The following KCNAB1 variants were observed in gnomAD, a reference collection of about 807,000 sequenced individuals.
The protein encoded by KCNAB1 is potassium voltage-gated channel subfamily A regulatory beta subunit 1.
KCNAB1 carries 35 observed loss-of-function variants against 64.6 expected under a neutral mutation model. The ratio of observed to expected loss-of-function variants is 0.54; its 90% CI spans 0.41 to 0.72. The LOEUF (loss-of-function observed/expected upper bound fraction) is 0.72. Ranked by LOEUF, KCNAB1 falls within the 30% of genes least tolerant of loss-of-function variation. KCNAB1 has a pLI of 0.00. For missense variants in KCNAB1, 401 were observed against 512.9 expected, an observed-to-expected ratio of 0.78 and a Z score of 2.11; for synonymous variants, 177 against 183.8, an observed-to-expected ratio of 0.96 and a Z score of 0.30.
chr3:156,516,283 G>T lies in KCNAB1; in HGVS notation c.879G>T (p.Met293Ile). Residue 293 changes from methionine to isoleucine, a missense_variant, in exon 11 of 14, where the codon ATG (methionine) becomes ATT (isoleucine). By Grantham distance (10) the Met-to-Ile change is conservative. Transcript: ENST00000490337. ...ELYHKIGVGA[M>I]TWSPLACGII... ...TTTCTTCTGTAGGTGTTGGCGCAAT[G>T]ACATGGTCTCCACTTGCCTGTGGAA... 6.2e-7 allele frequency: 1 copy of T among 1,613,830 alleles called. No homozygotes were observed. Among genetic ancestry groups the T allele is most frequent in the Non-Finnish European group, 8.5e-7 (1 of 1,179,708 alleles).
Position 156,516,449 on chromosome 3 carries a change from G to A in KCNAB1, c.960+85G>A. 6.3e-6 allele frequency: 6 copies of A among 959,472 alleles called. 1 individual carries two copies. The Middle Eastern group carries it at 8.8e-4, about 140-fold the overall frequency. 59.4% of individuals were successfully genotyped at this position (959,472 alleles called of 1,614,324 possible). On this transcript the variant is annotated intron_variant, in intron 11 of 13. Transcript: ENST00000490337. ...AAGAACAGCTCTGCAGCAGCCTAGG[G>A]CTTCCCAGCTCAGGCTGACTGTGTT...
Position 156,120,775 on chromosome 3 carries a change from T to G in KCNAB1, c.164T>G (p.Leu55Arg). ...SSLSPSGESQ[L>R]RARQLALLRE... ...CTTAGTCCCTCAGGGGAAAGCCAGC[T>G]CAGGGCGCGTCAACTGGCTCTGCTG... The change falls in exon 1 of 14, where the codon CTC (leucine) becomes CGC (arginine). Residue 55 changes from leucine to arginine, a missense_variant. Physicochemically the swap from Leu to Arg is moderately radical, Grantham distance 102. Transcript: ENST00000490337. 6.2e-7 allele frequency: 1 copy of G among 1,614,184 alleles called. No individual in the cohort carries two copies. The highest frequency in any genetic ancestry group is 2.2e-5 in the East Asian group (1 of 44,878).
intron 2 of KCNAB1, among the ~76,000 whole-genome samples, chr3:156,450,752 A>G (rs1406640596): frequency 6.6e-6 from 1 of 152,022 alleles, no homozygotes; most frequent in Non-Finnish European, 1.5e-5. Flanking sequence ...AAATTTTCCA[A>G]CACCCATCTT....
chr3:156,159,385 A>C (rs1403816317), intron 1 of KCNAB1, among the ~76,000 whole-genome samples: 2 of 152,220 alleles, frequency 1.3e-5, no homozygotes, highest in Admixed American at 1.3e-4. Context: ...AAAAGTAAGA[A>C]GAGAAACTGG....
intron 1 of KCNAB1, among the ~76,000 whole-genome samples, chr3:156,298,231 C>A (rs2107981971): frequency 6.6e-6 from 1 of 152,192 alleles, no homozygotes; most frequent in African/African-American, 2.4e-5. Flanking sequence ...AAACATTGTT[C>A]CAGTTCTATG....
chr3:156,479,324 A>T (rs1056943905), intron 8 of KCNAB1, among the ~76,000 whole-genome samples: 19 of 152,156 alleles, frequency 1.2e-4, no homozygotes, highest in African/African-American at 4.1e-4. Context: ...CGAGCTCATT[A>T]GACAAGAAAA....
chr3:156,176,415 G>A (rs890501939), intron 1 of KCNAB1: 3 of 784,010 alleles, frequency 3.8e-6, no homozygotes, highest in Non-Finnish European at 7.1e-6. Context: ...GTCACTGCTA[G>A]TGCAAACAAG....
chr3:156,462,163 T>C (rs1280931601), intron 5 of KCNAB1, among the ~76,000 whole-genome samples: 1 of 152,250 alleles, frequency 6.6e-6, no homozygotes, highest in African/African-American at 2.4e-5. Context: ...TCAGAAGAGT[T>C]GCTCTAATAG....
intron 2 of KCNAB1, among the ~76,000 whole-genome samples, chr3:156,447,131 C>T (rs535497406): frequency 1.3e-5 from 2 of 152,264 alleles, no homozygotes; most frequent in East Asian, 1.9e-4. Flanking sequence ...TTCTTGAAAG[C>T]TCCTTTCTTA....
chr3:156,260,375 T>G (rs1473479491), intron 1 of KCNAB1, among the ~76,000 whole-genome samples: 1 of 152,102 alleles, frequency 6.6e-6, no homozygotes, highest in Non-Finnish European at 1.5e-5. Context: ...ATCAGTTTTA[T>G]GATATTCTCC....
chr3:156,289,465 G>A (rs1346179280), intron 1 of KCNAB1, among the ~76,000 whole-genome samples: 2 of 152,114 alleles, frequency 1.3e-5, no homozygotes, highest in African/African-American at 4.8e-5. Flanking sequence ...TGAGCCGGCT[G>A]AGTGTGAAAA....
intron 11 of KCNAB1, among the ~76,000 whole-genome samples, chr3:156,522,970 G>A (rs1180858037): frequency 1.3e-5 from 2 of 152,258 alleles, no homozygotes; most frequent in Admixed American, 6.5e-5. Flanking sequence ...TTAAGTGCTC[G>A]CTTTATGTAG....
intron 8 of KCNAB1, among the ~76,000 whole-genome samples, chr3:156,476,351 G>A (rs1295267598): frequency 1.3e-5 from 2 of 152,002 alleles, no homozygotes; most frequent in African/African-American, 2.4e-5. Flanking sequence ...TTATGTCTTT[G>A]TGTCCTCATA....
chr3:156,385,620 G>T (rs541011871), intron 1 of KCNAB1, among the ~76,000 whole-genome samples: 2 of 152,096 alleles, frequency 1.3e-5, no homozygotes, highest in African/African-American at 4.8e-5. Context: ...TATACTAAGA[G>T]AAACTTTTGT....
intron 1 of KCNAB1, among the ~76,000 whole-genome samples, chr3:156,207,550 A>G (rs1171365285): frequency 6.6e-6 from 1 of 152,220 alleles, no homozygotes; most frequent in Non-Finnish European, 1.5e-5. Flanking sequence ...AACCCAAGTG[A>G]TACATGTATA....
chr3:156,280,269 G>C (rs62286217), intron 1 of KCNAB1, among the ~76,000 whole-genome samples: 12,023 of 148,292 alleles, frequency 0.081, 643 homozygotes, highest in African/African-American at 0.15. Flanking sequence ...TCAAAGATCA[G>C]ATAGTTGTAG....
chr3:156,517,559 A>T (rs913990679), intron 11 of KCNAB1, among the ~76,000 whole-genome samples: 2 of 152,232 alleles, frequency 1.3e-5, no homozygotes, highest in African/African-American at 2.4e-5. Flanking sequence ...TAAAAAGAGG[A>T]AGGCAAGAAG....
At chr3:156,281,559 T>C (rs1214625286) in intron 1 of KCNAB1, among the ~76,000 whole-genome samples, 1 of 152,188 alleles carries the variant, frequency 6.6e-6, no homozygotes, top group South Asian at 2.1e-4. Flanking sequence ...CCTCCTTGTA[T>C]CTCTGGTAGA....
intron 1 of KCNAB1, among the ~76,000 whole-genome samples, chr3:156,266,348 T>C (rs140876091): frequency 1.0e-3 from 158 of 152,322 alleles, no homozygotes; most frequent in African/African-American, 3.7e-3. Flanking sequence ...AGAGATAACG[T>C]AGAAATCTTA....
Sources: allele counts gnomAD v4.1 joint callset (sites outside exome capture counted in the v4.1 genomes callset), GRCh38; gene constraint gnomAD v4.1.1; transcripts MANE v1.5; gene names NCBI Gene and HGNC (gene_info 2026-07-23, HGNC 2026-07-21).